Variants in ATP1A3 observed in about 807,000 individuals in gnomAD.
ATP1A3 encodes the protein ATPase Na+/K+ transporting subunit alpha 3.
In ATP1A3, 12 loss-of-function variants were observed where a neutral mutation model predicts 108.8. That is an observed-to-expected ratio of 0.11 (90% CI 0.07 to 0.18). The LOEUF (loss-of-function observed/expected upper bound fraction) is 0.18, where lower values mean the gene tolerates loss of function less well. Among genes scored for constraint, ATP1A3 ranks in the 10% least tolerant of loss-of-function variants. ATP1A3 has a pLI of 1.00. For synonymous variants in ATP1A3, 539 were observed against 564.5 expected (o/e 0.95, Z 0.64); for missense variants, 498 against 1,387.7 (o/e 0.36, Z 10.19).
intron 1 of ATP1A3, chr19:41,993,529 ACACAC>A (rs2075360143): frequency 3.9e-5 from 49 of 1,261,510 alleles, no homozygotes; most frequent in Non-Finnish European, 5.1e-5. Flanking sequence ...ACACACACAC[ACACAC>A]ACACACACAC....
At chr19:41,990,271 C>T (rs1555866877) in intron 1 of ATP1A3, among the ~76,000 whole-genome samples, 3 of 151,928 alleles carry the variant, frequency 2.0e-5, no homozygotes, top group South Asian at 2.1e-4. Context: ...CACTCTCTCT[C>T]TCTGGGATCT....
In ATP1A3 at chr19:41,970,662, C is replaced by T. The variant is rs558782369; in HGVS notation, c.2264-120G>A. On this transcript the variant is annotated intron_variant, in intron 16 of 22. Coordinates refer to ENST00000648268, the MANE Select transcript of ATP1A3 (RefSeq NM_152296.5). Reference sequence around the variant, plus strand: ...TTTTTTTTTTTTTGAGACAGAGTCTCGCTGTGTTGCCCAGGCTGGAGTGCA... The same window carrying T: ...TTTTTTTTTTTTTGAGACAGAGTCTTGCTGTGTTGCCCAGGCTGGAGTGCA... 397 of 1,204,570 alleles carry T rather than the reference C, an allele frequency of 3.3e-4. 2 individuals carry two copies. Among genetic ancestry groups the T allele is most frequent in the East Asian group, 1.9e-3 (73 of 38,470 alleles). 74.6% of individuals were successfully genotyped at this position (1,204,570 alleles called of 1,614,324 possible).
In ATP1A3 at chr19:41,981,432, A is replaced by G; in HGVS notation, c.1437+70T>C. The G allele has an allele frequency of 1.2e-6, 2 of 1,610,868 alleles. No individual in the cohort carries two copies. The highest frequency in any genetic ancestry group is 1.1e-5 in the South Asian group (1 of 90,726). On this transcript the variant is annotated intron_variant, in intron 11 of 22. Transcript: ENST00000648268. The surrounding 1 kb of genome is among the most constrained non-coding windows in gnomAD (Gnocchi z 5.0). ...TTACAGACGGGAAAATCAAGGCTCT[A>G]TGACACCTCTTTACAGGCGTCATAA... is the stretch of plus-strand genomic sequence containing the variant.
In ATP1A3 at chr19:41,975,729, C is replaced by T. The variant is rs1390547384; in HGVS notation, c.2163G>A (p.Gly721=). 6.2e-7 allele frequency: 1 copy of T among 1,614,122 alleles called. No homozygotes were observed. The highest frequency in any genetic ancestry group is 2.2e-5 in the East Asian group (1 of 44,878). ...DSPALKKADI[G]VAMGIAGSDV... ...CAGAGCCAGCGATGCCCATGGCCAC[C>T]CCAATGTCGGCCTTCTTCAGAGCGG... The change falls in exon 16 of 23, where the codon GGG becomes GGA. Residue 721 remains glycine, a synonymous_variant. Coordinates refer to ENST00000648268, the MANE Select transcript of ATP1A3 (RefSeq NM_152296.5).
intron 16 of ATP1A3, among the ~76,000 whole-genome samples, chr19:41,971,975 C>T (rs782518869): frequency 5.3e-5 from 8 of 152,084 alleles, no homozygotes; most frequent in Non-Finnish European, 8.8e-5. Context: ...CCAGGCCAGG[C>T]GCTGGGGCTC....
rs547255792 is a variant in ATP1A3 at position 41,967,166 on chromosome 19, G to A, written c.3013+83C>T. 1.2e-6 allele frequency: 2 copies of A among 1,600,480 alleles called. No individual in the cohort carries two copies. Among genetic ancestry groups the A allele is most frequent in the African/African-American group, 1.3e-5 (1 of 74,706 alleles). ...GGGAACCAGGTGGCAGAGCCATCCA[G>A]CAGGGCGAGGGGAGCCTGGGACCAG... On this transcript the variant is annotated intron_variant, in intron 22 of 22. Coordinates refer to ENST00000648268, the MANE Select transcript of ATP1A3 (RefSeq NM_152296.5). This position sits in a 1 kb window ranked among gnomAD's most constrained non-coding sequence, Gnocchi z 4.2.
chr19:41,988,296 C>G lies in ATP1A3; in HGVS notation c.153+22G>C, dbSNP rs782695967. ...CTCCTCCTCCCTAGTTCCCAGGGTC[C>G]CAGCCCACAGCCTGGCCACACCTGC... On this transcript the variant is annotated intron_variant, in intron 3 of 22. Transcript: ENST00000648268. The surrounding 1 kb of genome is among the most constrained non-coding windows in gnomAD (Gnocchi z 5.3). 5.6e-6 allele frequency: 9 copies of G among 1,613,988 alleles called. No individual in the cohort carries two copies. In the South Asian group the frequency reaches 9.9e-5, roughly 18 times the overall value.
At chr19:41,982,242 C>A in intron 8 of ATP1A3, 136 bp from the exon 9 acceptor site, 1 of 1,406,024 alleles carries the variant, frequency 7.1e-7, no homozygotes, top group Non-Finnish European at 1.0e-6. Flanking sequence ...AGGCAGCACC[C>A]AGCAATGCCA....
intron 1 of ATP1A3, chr19:41,993,186 T>G: frequency 1.9e-5 from 1 of 53,776 alleles, no homozygotes; most frequent in East Asian, 5.4e-4. Context: ...TCCCCCTCCC[T>G]TCAGCCCCGC....
Position 41,978,580 on chromosome 19 carries a change from C to A in ATP1A3, c.1630+26G>T. On this transcript the variant is annotated intron_variant, in intron 12 of 22. Coordinates refer to ENST00000648268, the MANE Select transcript of ATP1A3 (RefSeq NM_152296.5). This position sits in a 1 kb window ranked among gnomAD's most constrained non-coding sequence, Gnocchi z 8.3. Reference sequence around the variant, plus strand: ...CAACCCTCCTTGCCCTCCAGGGACCCCAGAGCCCGCCCGGCAGCCTCGCAC... The same window carrying A: ...CAACCCTCCTTGCCCTCCAGGGACCACAGAGCCCGCCCGGCAGCCTCGCAC... 2 of 1,610,958 alleles carry A rather than the reference C, an allele frequency of 1.2e-6. No individual in the cohort carries two copies. The highest frequency in any genetic ancestry group is 1.7e-6 in the Non-Finnish European group (2 of 1,179,836).
chr19:41,970,927 C>A (rs572984944), intron 16 of ATP1A3, among the ~76,000 whole-genome samples: 3 of 150,692 alleles, frequency 2.0e-5, no homozygotes, highest in Non-Finnish European at 3.0e-5. Context: ...CCACCGCGCC[C>A]GGCCTGTCCA....
At position 41,976,405 on chromosome 19, in the gene ATP1A3, G is replaced by C. The variant is rs1236661975; in HGVS notation, c.2094+11C>G. The C allele has an allele frequency of 1.2e-6, 2 of 1,614,012 alleles. No individual in the cohort carries two copies. Among genetic ancestry groups the C allele is most frequent in the African/African-American group, 2.7e-5 (2 of 74,924 alleles). On this transcript the variant is annotated intron_variant, in intron 15 of 22. Coordinates refer to ENST00000648268, the MANE Select transcript of ATP1A3 (RefSeq NM_152296.5). The stretch of plus-strand genomic sequence containing the variant: ...AGGCCCCGTCCCCTCCTCTGCGGGA[G>C]CGCAGCCCACCTGTCTCTGACAGCC...
At chr19:41,984,829 G>A in intron 8 of ATP1A3, 89 bp downstream of exon 8, 1 of 1,444,110 alleles carries the variant, frequency 6.9e-7, no homozygotes, top group Non-Finnish European at 9.3e-7. Flanking sequence ...CTCAGACTCA[G>A]GGGTCCAGGA....
chr19:41,976,482 G>C lies in ATP1A3; in HGVS notation c.2028C>G (p.Thr676=). 5 of 1,614,248 alleles carry C rather than the reference G, an allele frequency of 3.1e-6. No individual in the cohort carries two copies. The highest frequency in any genetic ancestry group is 4.2e-6 in the Non-Finnish European group (5 of 1,180,052). Reference sequence around the variant, plus strand: ...GGGATGTGCGGGCGAAGACGATCTCGGTGTGATTCTGCAGGATCTCGTCGA... The same window carrying C: ...GGGATGTGCGGGCGAAGACGATCTCCGTGTGATTCTGCAGGATCTCGTCGA... ...EQIDEILQNH[T]EIVFARTSPQ... is the part of the protein sequence containing the mutation. The change falls in exon 15 of 23, where the codon ACC becomes ACG. Residue 676 remains threonine (T), a synonymous_variant. Transcript: ENST00000648268.
rs1196141892 is a variant in ATP1A3, at chr19:41,983,572, AAATAAT to A, written c.993+1340_993+1345del. The stretch of plus-strand genomic sequence containing the variant: ...AAGCAGCCAGAGAAAAAATTTTTAA[AAATAAT>A]AATAATAATTATTATTATTATAATA... On this transcript the variant is annotated intron_variant, in intron 8 of 22. Transcript: ENST00000648268. Among the ~76,000 whole-genome samples, 4 of 146,410 alleles carry A rather than the reference AAATAAT, an allele frequency of 2.7e-5. No individual in the cohort carries two copies. The South Asian group carries it at 8.5e-4, about 31-fold the overall frequency.
chr19:41,985,854 C>G lies in ATP1A3; in HGVS notation c.606+10G>C. ...GGGAGGGTAAAGCCGGGCCCTAGGC[C>G]CAGGCCCACCTTGCAGCCGTGGGCT... On this transcript the variant is annotated intron_variant, in intron 6 of 22. Coordinates refer to ENST00000648268, the MANE Select transcript of ATP1A3 (RefSeq NM_152296.5). The surrounding 1 kb of genome is among the most constrained non-coding windows in gnomAD (Gnocchi z 8.2). 6.2e-7 allele frequency: 1 copy of G among 1,613,794 alleles called. No individual in the cohort carries two copies. The highest frequency in any genetic ancestry group is 1.1e-5 in the South Asian group (1 of 91,086).
At position 41,988,455 on chromosome 19, in the gene ATP1A3, C is replaced by T. The variant is rs782697588; in HGVS notation, c.93+21G>A. On this transcript the variant is annotated intron_variant, in intron 2 of 22. Transcript: ENST00000648268. The surrounding 1 kb of genome is among the most constrained non-coding windows in gnomAD (Gnocchi z 5.3). ...TGGCGAGGTTCTCTGGGAGGGTGTG[C>T]GGGCAGAGGGCGAGGCTTACCATAG... 9.9e-6 allele frequency: 16 copies of T among 1,614,036 alleles called. No individual in the cohort carries two copies. The highest frequency in any genetic ancestry group is 1.3e-5 in the African/African-American group (1 of 74,918).
In ATP1A3 at chr19:41,970,921, C is replaced by T. The variant is rs556901241; in HGVS notation, c.2264-379G>A. On this transcript the variant is annotated intron_variant, in intron 16 of 22. Transcript: ENST00000648268. ...TGCTGGGATTACAGGCGTGAGCCACCGCGCCCGGCCTGTCCAGCGTCCTTT... is the reference window on the plus strand; with the variant it reads ...TGCTGGGATTACAGGCGTGAGCCACTGCGCCCGGCCTGTCCAGCGTCCTTT... 9.0e-4 allele frequency among the ~76,000 whole-genome samples: 136 copies of T among 151,904 alleles called. No homozygotes were observed. In the Middle Eastern group the frequency reaches 0.01, roughly 11 times the overall value.
At chr19:41,987,859 G>T in intron 4 of ATP1A3, 77 bp downstream of exon 4, 1 of 1,539,472 alleles carries the variant, frequency 6.5e-7, no homozygotes, top group Non-Finnish European at 8.9e-7. Flanking sequence ...AAGCTTAGAG[G>T]GATGGGAAGA....
Sources: allele counts gnomAD v4.1 joint callset (sites outside exome capture counted in the v4.1 genomes callset), GRCh38; gene constraint gnomAD v4.1.1; non-coding constraint Gnocchi (gnomAD v3.1); transcripts MANE v1.5; gene names NCBI Gene and HGNC (gene_info 2026-07-23, HGNC 2026-07-21).